PFDN2: variants seen among roughly 807,000 people sequenced by gnomAD.
The protein encoded by PFDN2 is prefoldin 2.
PFDN2 carries 7 observed loss-of-function variants against 18.3 expected under a neutral mutation model. The ratio of observed to expected loss-of-function variants is 0.38; its 90% confidence interval spans 0.22 to 0.72. PFDN2 has a LOEUF of 0.72. Ranked by LOEUF, PFDN2 falls within the 30% of genes least tolerant of loss-of-function variation. The pLI, the probability that PFDN2 is intolerant of heterozygous loss-of-function variation, is 0.47. For synonymous variants in PFDN2, 76 were observed against 75.0 expected, an observed-to-expected ratio of 1.01 and a Z score of -0.07; for missense variants, 181 against 199.1, an observed-to-expected ratio of 0.91 and a Z score of 0.55.
intron 1 of PFDN2, among the ~76,000 whole-genome samples, chr1:161,103,080 T>A (rs1157906409): frequency 6.6e-6 from 1 of 152,146 alleles, no homozygotes; most frequent in Non-Finnish European, 1.5e-5. Context: ...GTCTGCTCAG[T>A]ATCCCATCCA....
rs998949679 is a variant in PFDN2 at position 161,115,694 on chromosome 1, G to A, written c.75+2258C>T. On this transcript the variant is annotated intron_variant, in intron 1 of 3. Coordinates refer to ENST00000368010, the MANE Select transcript of PFDN2 (RefSeq NM_012394.4). ...CAGTACAATCAGATATTTTGAAAAA[G>A]AGAGACCACATTCATGTAACCTTTA... Among the ~76,000 whole-genome samples, 5 of 152,168 alleles carry A rather than the reference G, an allele frequency of 3.3e-5. No individual in the cohort carries two copies. In the East Asian group the frequency reaches 9.6e-4, roughly 29 times the overall value.
chr1:161,103,448 G>A (rs1654613043), intron 1 of PFDN2, among the ~76,000 whole-genome samples: 1 of 151,260 alleles, frequency 6.6e-6, no homozygotes, highest in African/African-American at 2.4e-5. Flanking sequence ...GCAGCACTTT[G>A]GGAGGCCGAG....
intron 1 of PFDN2, among the ~76,000 whole-genome samples, chr1:161,108,221 G>A (rs1654726501): frequency 6.6e-6 from 1 of 150,872 alleles, no homozygotes; most frequent in African/African-American, 2.4e-5. Flanking sequence ...GGGAGGCCAA[G>A]GCCAGCAGAT....
At chr1:161,115,749 C>T (rs1338786788) in intron 1 of PFDN2, among the ~76,000 whole-genome samples, 3 of 152,198 alleles carry the variant, frequency 2.0e-5, no homozygotes, top group Non-Finnish European at 4.4e-5. Context: ...CTATTAGTTA[C>T]TGCACCTATT....
At chr1:161,103,107 C>T (rs1472549186) in intron 1 of PFDN2, among the ~76,000 whole-genome samples, 1 of 152,122 alleles carries the variant, frequency 6.6e-6, no homozygotes, top group Non-Finnish European at 1.5e-5. Context: ...AACTGCCCCT[C>T]CTTAACTTGG....
In PFDN2 at chr1:161,118,030, C is replaced by A. The variant is rs967333892; in HGVS notation, c.-4G>T. Reference sequence around the variant, plus strand: ...CGCGACCGCTGTTCTCCGCCATCTTCGCCGCCTGCTGGGTTTCCGGCCGGC... The same window carrying A: ...CGCGACCGCTGTTCTCCGCCATCTTAGCCGCCTGCTGGGTTTCCGGCCGGC... On this transcript the variant is annotated 5_prime_UTR_variant, in exon 1 of 4. Coordinates refer to ENST00000368010, the MANE Select transcript of PFDN2 (RefSeq NM_012394.4). The A allele has an allele frequency of 6.2e-7, 1 of 1,611,178 alleles. No individual in the cohort carries two copies.
chr1:161,102,254 G>T (rs376982236), intron 2 of PFDN2, 33 bp downstream of exon 2: 22 of 1,611,686 alleles, frequency 1.4e-5, no homozygotes, highest in Admixed American at 6.7e-5. Flanking sequence ...CCACACAACT[G>T]TCCTACTGTT....
intron 1 of PFDN2, among the ~76,000 whole-genome samples, chr1:161,115,334 G>A (rs367745546): frequency 2.6e-4 from 39 of 152,328 alleles, no homozygotes; most frequent in East Asian, 1.3e-3. Flanking sequence ...AAAGTGCTGG[G>A]ATTACAGGCG....
intron 1 of PFDN2, among the ~76,000 whole-genome samples, chr1:161,117,375 C>A (rs1654980561): frequency 1.3e-5 from 2 of 152,244 alleles, no homozygotes; most frequent in Non-Finnish European, 2.9e-5. Context: ...TTATCAAACG[C>A]TTCCCGATGC....
intron 1 of PFDN2, among the ~76,000 whole-genome samples, chr1:161,102,665 A>G (rs1654591063): frequency 6.6e-6 from 1 of 152,086 alleles, no homozygotes; most frequent in Non-Finnish European, 1.5e-5. Flanking sequence ...TAGGCATTTA[A>G]TATAAGAATG....
chr1:161,110,508 CTTTT>C (rs542548691), intron 1 of PFDN2, among the ~76,000 whole-genome samples: 32 of 152,108 alleles, frequency 2.1e-4, no homozygotes, highest in African/African-American at 6.7e-4. Flanking sequence ...TTCCTGTTTT[CTTTT>C]TTGTTTACCA....
chr1:161,116,777 G>A (rs1483922844), intron 1 of PFDN2, among the ~76,000 whole-genome samples: 1 of 150,138 alleles, frequency 6.7e-6, no homozygotes, highest in African/African-American at 2.5e-5. Flanking sequence ...AGGCAGAAAT[G>A]CTTGAACCCG....
At chr1:161,106,969 C>T (rs541907672) in intron 1 of PFDN2, among the ~76,000 whole-genome samples, 14 of 151,528 alleles carry the variant, frequency 9.2e-5, no homozygotes, top group Non-Finnish European at 1.8e-4. Flanking sequence ...CCACTATGCC[C>T]GGCTAATTTC....
chr1:161,104,332 C>T lies in PFDN2; in HGVS notation c.76-1957G>A, dbSNP rs540197918. ...AATCCATTCAAACCATTACCAAATA[C>T]GAGTGTATTTGCAAATATCATCTCC... is the stretch of plus-strand genomic sequence containing the variant. On this transcript the variant is annotated intron_variant, in intron 1 of 3. Transcript: ENST00000368010. Among the ~76,000 whole-genome samples the T allele has an allele frequency of 4.6e-5, 7 of 152,226 alleles. No homozygotes were observed. The East Asian group carries it at 1.2e-3, about 25-fold the overall frequency.
intron 1 of PFDN2, among the ~76,000 whole-genome samples, chr1:161,113,568 C>T (rs973684005): frequency 2.0e-5 from 3 of 152,144 alleles, no homozygotes; most frequent in African/African-American, 7.2e-5. Context: ...ACTGCTTGAG[C>T]CCAAGAGTTC....
At chr1:161,116,380 G>T (rs1036993608) in intron 1 of PFDN2, among the ~76,000 whole-genome samples, 4 of 152,180 alleles carry the variant, frequency 2.6e-5, no homozygotes, top group African/African-American at 9.7e-5. Context: ...GCCAGGTATG[G>T]TGGTGCACCT....
intron 3 of PFDN2, among the ~76,000 whole-genome samples, chr1:161,101,645 C>A (rs1654563622): frequency 6.6e-6 from 1 of 152,186 alleles, no homozygotes; most frequent in African/African-American, 2.4e-5. Context: ...TACTCTAACC[C>A]CAATCCTCCC....
At chr1:161,110,843 CTTT>C (rs200704754) in intron 1 of PFDN2, among the ~76,000 whole-genome samples, 1 of 118,264 alleles carries the variant, frequency 8.5e-6, no homozygotes. Context: ...TTTGTAGAGA[CTTT>C]TTTTTTTTTT....
At chr1:161,102,956 C>CAAA (rs1383337026) in intron 1 of PFDN2, among the ~76,000 whole-genome samples, 3 of 91,938 alleles carry the variant, frequency 3.3e-5, no homozygotes, top group African/African-American at 8.1e-5. Context: ...AACTCCGTCT[C>CAAA]AAAAAAAAAA....
Sources: gnomAD v4.1 joint callset for allele counts (sites outside exome capture counted in the v4.1 genomes callset) on GRCh38, gnomAD v4.1.1 for gene constraint, MANE v1.5 for transcripts, NCBI Gene and HGNC (gene_info 2026-07-23, HGNC 2026-07-21) for gene names.